PVT1: variants seen among roughly 807,000 people sequenced by gnomAD.
The protein encoded by PVT1 is Pvt1 oncogene, also known as CXCR4/PVT1 fusion.
At chr8:127,889,592 T>C (rs1359229070) in intron 2 of PVT1, among the ~76,000 whole-genome samples, 7 of 152,170 alleles carry the variant, frequency 4.6e-5, no homozygotes, top group East Asian at 1.9e-4. Context: ...GTTTCATACA[T>C]GCAGAAAGCC....
intron 3 of PVT1, among the ~76,000 whole-genome samples, chr8:127,949,986 C>A (rs541266880): frequency 1.7e-4 from 26 of 152,356 alleles, no homozygotes; most frequent in African/African-American, 5.5e-4. Context: ...CCTTCCCTGG[C>A]GGCCCGGGTT....
At chr8:127,995,904 C>CT (rs36001555) in intron 4 of PVT1, among the ~76,000 whole-genome samples, 8 of 150,920 alleles carry the variant, frequency 5.3e-5, no homozygotes, top group South Asian at 2.1e-4. Context: ...TTCAAATGTC[C>CT]TTTTTTTTTT....
At chr8:127,838,827 TAC>T (rs1280020802) in intron 2 of PVT1, among the ~76,000 whole-genome samples, 2 of 152,230 alleles carry the variant, frequency 1.3e-5, no homozygotes, top group African/African-American at 4.8e-5. Flanking sequence ...ATGTTCTAAG[TAC>T]AGTCATGTAC....
chr8:127,864,885 C>T lies in PVT1; in HGVS notation n.373-25704C>T, dbSNP rs28459758. On this transcript the variant is annotated intron_variant and non_coding_transcript_variant, in intron 2 of 10. Transcript: ENST00000651587. The stretch of plus-strand genomic sequence containing the variant: ...ACACAGAGAAATTCTCAGTGGAGGC[C>T]GCGGGAACTAGAGATAGAGGTCCTC... 7.2e-5 allele frequency among the ~76,000 whole-genome samples: 11 copies of T among 152,108 alleles called. No homozygotes were observed. The South Asian group carries it at 8.3e-4, about 11-fold the overall frequency.
At chr8:127,964,809 T>A (rs1816686290) in intron 3 of PVT1, among the ~76,000 whole-genome samples, 1 of 152,068 alleles carries the variant, frequency 6.6e-6, no homozygotes, top group African/African-American at 2.4e-5. Context: ...TAAACAACTT[T>A]ATTTAATTTT....
intron 3 of PVT1, among the ~76,000 whole-genome samples, chr8:127,982,514 T>C (rs1398727942): frequency 6.6e-6 from 1 of 151,780 alleles, no homozygotes; most frequent in East Asian, 1.9e-4. Flanking sequence ...CCTTTTATAT[T>C]AAAAAAACAA....
At chr8:127,902,440 T>C (rs76117238) in intron 3 of PVT1, among the ~76,000 whole-genome samples, 1 of 151,266 alleles carries the variant, frequency 6.6e-6, no homozygotes, top group Non-Finnish European at 1.5e-5. Flanking sequence ...TTTTTTTTTT[T>C]CACTTTTTAT....
At chr8:127,875,311 CTCTCTG>C (rs200288341) in intron 2 of PVT1, among the ~76,000 whole-genome samples, 4,231 of 151,724 alleles carry the variant, frequency 0.028, 95 homozygotes, top group African/African-American at 0.063. Context: ...GGTGTGTGTC[CTCTCTG>C]TCTCTGTCTC....
intron 4 of PVT1, among the ~76,000 whole-genome samples, chr8:128,018,804 A>G (rs994695835): frequency 6.6e-6 from 1 of 152,106 alleles, no homozygotes; most frequent in Non-Finnish European, 1.5e-5. Flanking sequence ...TCTGGAATAC[A>G]CTGGCTACCT....
chr8:127,846,351 C>A (rs76964290), intron 2 of PVT1, among the ~76,000 whole-genome samples: 2 of 152,094 alleles, frequency 1.3e-5, no homozygotes, highest in East Asian at 1.9e-4. Context: ...GTGTGGGGCA[C>A]CTTTCCTGGT....
intron 3 of PVT1, among the ~76,000 whole-genome samples, chr8:127,936,299 G>C (rs1159922486): frequency 2.6e-5 from 4 of 152,056 alleles, no homozygotes; most frequent in East Asian, 3.9e-4. Flanking sequence ...TGTTCTGCCT[G>C]CCTTGGCCTC....
chr8:127,888,161 C>T (rs1470978703), intron 2 of PVT1, among the ~76,000 whole-genome samples: 3 of 151,390 alleles, frequency 2.0e-5, no homozygotes, highest in South Asian at 2.1e-4. Flanking sequence ...AGGATGATCT[C>T]GATCTCCTGA....
chr8:127,983,545 C>G (rs1346833221), intron 3 of PVT1, among the ~76,000 whole-genome samples: 1 of 152,054 alleles, frequency 6.6e-6, no homozygotes, highest in East Asian at 1.9e-4. Context: ...CTACTGCACA[C>G]CCAGATCATC....
At chr8:128,074,001 A>G (rs1814045725) in intron 5 of PVT1, among the ~76,000 whole-genome samples, 1 of 152,148 alleles carries the variant, frequency 6.6e-6, no homozygotes, top group Non-Finnish European at 1.5e-5. Context: ...CCCAACAGAA[A>G]GCAAGTGCCA....
chr8:128,089,097 G>C (rs950181665), intron 5 of PVT1, among the ~76,000 whole-genome samples: 3 of 152,218 alleles, frequency 2.0e-5, no homozygotes, highest in Non-Finnish European at 4.4e-5. Context: ...ATGGAAATGA[G>C]AGAAGTTATG....
intron 4 of PVT1, among the ~76,000 whole-genome samples, chr8:128,065,170 C>T (rs1202626338): frequency 6.6e-6 from 1 of 150,972 alleles, no homozygotes; most frequent in Non-Finnish European, 1.5e-5. Flanking sequence ...GGTTACATCC[C>T]TCTCAGAAGT....
At chr8:128,009,400 A>G (rs952811928) in intron 4 of PVT1, among the ~76,000 whole-genome samples, 2 of 152,208 alleles carry the variant, frequency 1.3e-5, no homozygotes, top group African/African-American at 4.8e-5. Context: ...AAATGTGTTT[A>G]ATAGCCCTCT....
At chr8:128,097,836 C>T (rs1387146938) in intron 6 of PVT1, among the ~76,000 whole-genome samples, 1 of 152,146 alleles carries the variant, frequency 6.6e-6, no homozygotes. Context: ...GACAAGAACT[C>T]CCCTCTTAAT....
chr8:127,968,143 A>G (rs1816723792), intron 3 of PVT1, among the ~76,000 whole-genome samples: 1 of 152,156 alleles, frequency 6.6e-6, no homozygotes, highest in African/African-American at 2.4e-5. Context: ...GCAGCTGGGG[A>G]GAAGTTCTGG....
Sources: allele counts gnomAD v4.1 joint callset (sites outside exome capture counted in the v4.1 genomes callset), GRCh38; gene constraint gnomAD v4.1.1; transcripts MANE v1.5; gene names NCBI Gene and HGNC (gene_info 2026-07-23, HGNC 2026-07-21).